The following BIRC6 variants were observed in gnomAD, a reference collection of about 807,000 sequenced individuals.
BIRC6 encodes the protein dual E2 ubiquitin-conjugating enzyme/E3 ubiquitin-protein ligase BIRC6.
BIRC6 carries 98 observed loss-of-function variants against 503.3 expected under a neutral mutation model. The ratio of observed to expected loss-of-function variants is 0.19; its 90% CI spans 0.17 to 0.23. BIRC6 has a LOEUF of 0.23. Among genes scored for constraint, BIRC6 ranks in the 10% least tolerant of loss-of-function variants. The probability of loss-of-function intolerance (pLI) is 1.00; values close to 1 mark genes in which losing one functional copy is unlikely to be tolerated. For missense variants in BIRC6, 5,360 were observed against 5,806.0 expected, an observed-to-expected ratio of 0.92 and a Z score of 2.50; for synonymous variants, 2,240 against 2,078.7, an observed-to-expected ratio of 1.08 and a Z score of -2.11.
chr2:32,467,496 TG>T (rs1441532950), intron 26 of BIRC6, 28 bp from the exon 27 acceptor site: 1 of 1,561,758 alleles, frequency 6.4e-7, no homozygotes, highest in Non-Finnish European at 8.8e-7. Context: ...GATATATTTT[TG>T]GTCAACTGTT....
intron 34 of BIRC6, among the ~76,000 whole-genome samples, chr2:32,476,782 T>A (rs1306190003): frequency 6.6e-6 from 1 of 152,182 alleles, no homozygotes; most frequent in Non-Finnish European, 1.5e-5. Context: ...AGTTTAGAAT[T>A]GAAACTTCTT....
chr2:32,437,357 TA>T (rs925432791), intron 15 of BIRC6, among the ~76,000 whole-genome samples: 8 of 151,822 alleles, frequency 5.3e-5, no homozygotes, highest in South Asian at 2.1e-4. Context: ...TGGGGGTAAA[TA>T]AAAAAAACCA....
chr2:32,357,979 TCAGGTCCCGCAGTGCGGGGGA>T lies in BIRC6; in HGVS notation c.325+497_325+517del, dbSNP rs2033392069. ...GAGAGGAGCCGGCAGTCTGCTGTTC[TCAGGTCCCGCAGTGCGGGGGA>T]CAGACCGCGGGCTGTGCGCCCAGCG... On this transcript the variant is annotated intron_variant, in intron 1 of 73. Coordinates refer to ENST00000421745, the MANE Select transcript of BIRC6 (RefSeq NM_016252.4). The surrounding 1 kb of genome is among the most constrained non-coding windows in gnomAD (Gnocchi z 4.9). Among the ~76,000 whole-genome samples, 1 of 492 alleles carries T rather than the reference TCAGGTCCCGCAGTGCGGGGGA, an allele frequency of 2.0e-3. No individual in the cohort carries two copies. Among genetic ancestry groups the T allele is most frequent in the Admixed American group, 0.025 (1 of 40 alleles). The allele number at this position is 492 out of a possible 152,430, so 0.3% of individuals were successfully genotyped here.
At chr2:32,580,129 T>G (rs1195853780) in intron 66 of BIRC6, among the ~76,000 whole-genome samples, 1 of 152,084 alleles carries the variant, frequency 6.6e-6, no homozygotes, top group African/African-American at 2.4e-5. Flanking sequence ...AATTTTTGTA[T>G]TTTTAGTAGA....
chr2:32,510,114 T>C (rs1291776320), intron 52 of BIRC6, 120 bp downstream of exon 52: 1 of 1,168,320 alleles, frequency 8.6e-7, no homozygotes, highest in Non-Finnish European at 1.2e-6. Flanking sequence ...TTTATGTTTA[T>C]CTCTCCTCTC....
intron 66 of BIRC6, among the ~76,000 whole-genome samples, chr2:32,578,993 CTT>C (rs1470951850): frequency 1.5e-4 from 4 of 26,124 alleles, no homozygotes; most frequent in Admixed American, 3.8e-4. Flanking sequence ...TATATATACA[CTT>C]AATATATATA....
chr2:32,440,486 G>C (rs1390702959), intron 16 of BIRC6, among the ~76,000 whole-genome samples: 3 of 152,090 alleles, frequency 2.0e-5, no homozygotes, highest in African/African-American at 7.2e-5. Context: ...CTGGAAGTCA[G>C]GAAGGAGGTT....
intron 66 of BIRC6, among the ~76,000 whole-genome samples, chr2:32,577,265 A>G (rs1348607319): frequency 6.6e-6 from 1 of 152,038 alleles, no homozygotes; most frequent in African/African-American, 2.4e-5. Flanking sequence ...AACTGCCATC[A>G]TGTCTTTTTA....
chr2:32,501,990 C>T (rs1020261419), intron 47 of BIRC6, 102 bp downstream of exon 47: 8 of 1,171,880 alleles, frequency 6.8e-6, no homozygotes, highest in South Asian at 1.7e-5. Context: ...TATTATATAT[C>T]GGACAATGAA....
chr2:32,540,352 C>T (rs934990695), intron 61 of BIRC6, among the ~76,000 whole-genome samples: 2 of 151,964 alleles, frequency 1.3e-5, no homozygotes, highest in Non-Finnish European at 2.9e-5. Context: ...ATCGTAATTC[C>T]TAAAAGCCTG....
chr2:32,357,339 G>C lies in BIRC6; in HGVS notation c.178G>C (p.Asp60His), dbSNP rs1272264782. Reference sequence around the variant, plus strand: ...GGTCTCAGAGTGGCTGGTGCTGCGGGACGGCTGCATGCACTGCGACGCCGA... The same window carrying C: ...GGTCTCAGAGTGGCTGGTGCTGCGGCACGGCTGCATGCACTGCGACGCCGA... The part of the protein sequence containing the change: ...AGVSEWLVLR[D>H]GCMHCDADGL... Residue 60 changes from aspartate (D) to histidine (H), a missense_variant, in exon 1 of 74, where the codon GAC becomes CAC. By Grantham distance (81) the Asp-to-His change is moderately conservative (BLOSUM62 -1). Around this residue, in one of 16 missense-constraint regions of BIRC6, gnomAD observed 145 missense variants for 106.9 expected, o/e 1.36. Coordinates refer to ENST00000421745, the MANE Select transcript of BIRC6 (RefSeq NM_016252.4). The surrounding 1 kb of genome is among the most constrained non-coding windows in gnomAD (Gnocchi z 4.9). The C allele has an allele frequency of 2.6e-6, 4 of 1,541,824 alleles. No homozygotes were observed. Among genetic ancestry groups the C allele is most frequent in the Non-Finnish European group, 3.5e-6 (4 of 1,145,312 alleles).
At chr2:32,488,441 C>T (rs566237034) in intron 41 of BIRC6, 147 bp from the exon 42 acceptor site, 2 of 535,046 alleles carry the variant, frequency 3.7e-6, no homozygotes, top group South Asian at 1.0e-4. Flanking sequence ...ATTTAATTAA[C>T]TAGAAGATGC....
At position 32,395,535 on chromosome 2, in the gene BIRC6, G is replaced by T. The variant is rs747822987; in HGVS notation, c.976G>T (p.Ala326Ser). 3.1e-6 allele frequency: 5 copies of T among 1,612,674 alleles called. No individual in the cohort carries two copies. The East Asian group carries it at 8.9e-5, about 29-fold the overall frequency. The change falls in exon 6 of 74, where the codon GCC becomes TCC. Residue 326 changes from alanine to serine, a missense_variant. Ala to Ser is a moderately conservative substitution (Grantham distance 99). Coordinates refer to ENST00000421745, the MANE Select transcript of BIRC6 (RefSeq NM_016252.4). ...HQPASSGDDRAMCFTCSVCLV... is the reference protein window; with the variant it reads ...HQPASSGDDRSMCFTCSVCLV... Reference sequence around the variant, plus strand: ...GCCTGCCTCATCTGGAGATGATAGAGCCATGTGTTTTACTTGTAGTGTATG... The same window carrying T: ...GCCTGCCTCATCTGGAGATGATAGATCCATGTGTTTTACTTGTAGTGTATG...
At chr2:32,461,341 CTA>C (rs1309634289) in intron 23 of BIRC6, among the ~76,000 whole-genome samples, 1 of 124,878 alleles carries the variant, frequency 8.0e-6, no homozygotes, top group African/African-American at 3.5e-5. Flanking sequence ...CCATGCCTGG[CTA>C]GTGTGTGTGT....
chr2:32,408,458 C>G (rs1327734396), intron 9 of BIRC6, among the ~76,000 whole-genome samples: 1 of 152,160 alleles, frequency 6.6e-6, no homozygotes, highest in Non-Finnish European at 1.5e-5. Context: ...TGTTAAATTA[C>G]TTAAACTGTG....
At chr2:32,506,585 G>T (rs2053821337) in intron 50 of BIRC6, among the ~76,000 whole-genome samples, 1 of 152,216 alleles carries the variant, frequency 6.6e-6, no homozygotes, top group Non-Finnish European at 1.5e-5. Flanking sequence ...GGCTTTTGAA[G>T]TTCAGCTGGA....
chr2:32,487,130 A>G (rs1009144050), intron 40 of BIRC6, among the ~76,000 whole-genome samples: 1 of 152,164 alleles, frequency 6.6e-6, no homozygotes, highest in Non-Finnish European at 1.5e-5. Flanking sequence ...GGCTCTAAAT[A>G]TATGATAAAG....
At chr2:32,471,413 T>TATA (rs1558822522) in intron 32 of BIRC6, among the ~76,000 whole-genome samples, 2 of 152,240 alleles carry the variant, frequency 1.3e-5, no homozygotes, top group Non-Finnish European at 2.9e-5. Context: ...TTAAAGACTT[T>TATA]ATAATAGCAT....
intron 45 of BIRC6, among the ~76,000 whole-genome samples, chr2:32,498,128 C>A (rs2052706010): frequency 1.3e-5 from 2 of 152,176 alleles, no homozygotes; most frequent in African/African-American, 4.8e-5. Flanking sequence ...GTGGTGCGAT[C>A]TTGGCTCTCT....
Sources: gnomAD v4.1 joint callset for allele counts (sites outside exome capture counted in the v4.1 genomes callset) on GRCh38, gnomAD v4.1.1 for gene constraint, gnomAD v4.1.1 regional missense constraint, Gnocchi (gnomAD v3.1) non-coding constraint, MANE v1.5 for transcripts, NCBI Gene and HGNC (gene_info 2026-07-23, HGNC 2026-07-21) for gene names.